Variants in SLIT1 observed in about 807,000 individuals in gnomAD.
SLIT1 encodes the protein slit guidance ligand 1.
A neutral mutation model predicts 186.1 loss-of-function variants in SLIT1; 66 were observed. The observed-to-expected ratio is 0.35, with a 90% confidence interval of 0.29 to 0.44. The LOEUF (loss-of-function observed/expected upper bound fraction) is 0.44. Ranked by LOEUF, SLIT1 falls within the 20% of genes least tolerant of loss-of-function variation. The pLI is 1.00. For synonymous variants in SLIT1, 761 were observed against 833.8 expected, an observed-to-expected ratio of 0.91 and a Z score of 1.50; for missense variants, 1,638 against 2,037.4, an observed-to-expected ratio of 0.80 and a Z score of 3.77.
intron 25 of SLIT1, among the ~76,000 whole-genome samples, chr10:97,026,682 A>T (rs1848549058): frequency 6.6e-6 from 1 of 152,220 alleles, no homozygotes; most frequent in Non-Finnish European, 1.5e-5. Context: ...GAAGACAGAC[A>T]TTGGGGAACC....
At chr10:97,042,050 T>C (rs1259643890) in intron 20 of SLIT1, among the ~76,000 whole-genome samples, 2 of 152,066 alleles carry the variant, frequency 1.3e-5, no homozygotes, top group Admixed American at 1.3e-4. Flanking sequence ...ATTTTAGAAG[T>C]CAGAAGCAAA....
rs1017327905 is a variant in SLIT1 at position 97,001,226 on chromosome 10, G to A, written c.4491C>T (p.Cys1497=). Residue 1497 remains cysteine (C), a synonymous_variant, in exon 37 of 37, where the codon TGC becomes TGT. Transcript: ENST00000266058. The part of the protein sequence containing the change: ...ECRGSCPGQG[C]CQGLRLKRRK... ...TCCGCTTCAGCCGAAGGCCCTGGCA[G>A]CAGCCCTGGCCTGGGCACGAGCCCC... 5.6e-6 allele frequency: 9 copies of A among 1,613,190 alleles called. No individual in the cohort carries two copies. The highest frequency in any genetic ancestry group is 7.6e-6 in the Non-Finnish European group (9 of 1,179,938).
intron 3 of SLIT1, among the ~76,000 whole-genome samples, chr10:97,161,810 T>C (rs1027749565): frequency 6.6e-6 from 1 of 152,218 alleles, no homozygotes; most frequent in African/African-American, 2.4e-5. Flanking sequence ...CAAGTCATCT[T>C]CATTAAGAGC....
intron 4 of SLIT1, among the ~76,000 whole-genome samples, chr10:97,132,682 C>T (rs1849665267): frequency 6.6e-6 from 1 of 151,986 alleles, no homozygotes; most frequent in Admixed American, 6.6e-5. Context: ...ATTGTGTATT[C>T]CCCCACCTTT....
intron 8 of SLIT1, 53 bp downstream of exon 8, chr10:97,063,402 G>A: frequency 6.3e-7 from 1 of 1,596,738 alleles, no homozygotes; most frequent in Non-Finnish European, 8.6e-7. Flanking sequence ...GGGAACAAGA[G>A]GCAGGGCAGG....
chr10:97,157,303 C>T (rs2134719534), intron 4 of SLIT1: 1 of 152,768 alleles, frequency 6.5e-6, no homozygotes, highest in East Asian at 1.9e-4. Context: ...TAGCAACTAT[C>T]CTTCGAACTT....
rs148553177 is a variant in SLIT1, at chr10:97,133,590, C to T, written c.413+24228G>A. On this transcript the variant is annotated intron_variant, in intron 4 of 36. Transcript: ENST00000266058. Reference sequence around the variant, plus strand: ...AATGTTCTGGAGATCGGGTCCACAACGATGCGAACTTAACATTACTGAACA... The same window carrying T: ...AATGTTCTGGAGATCGGGTCCACAATGATGCGAACTTAACATTACTGAACA... 4.8e-3 allele frequency among the ~76,000 whole-genome samples: 730 copies of T among 152,166 alleles called. 25 individuals are homozygous for T. Among genetic ancestry groups the T allele is most frequent in the Admixed American group, 0.044 (670 of 15,290 alleles).
chr10:97,133,863 A>G (rs561192360), intron 4 of SLIT1, among the ~76,000 whole-genome samples: 6 of 152,270 alleles, frequency 3.9e-5, no homozygotes, highest in African/African-American at 1.4e-4. Flanking sequence ...CACCACCCCC[A>G]GGTCCTGTAT....
At chr10:97,084,584 A>C (rs71486104) in intron 4 of SLIT1, among the ~76,000 whole-genome samples, 4,892 of 134,446 alleles carry the variant, frequency 0.036, 122 homozygotes, top group Non-Finnish European at 0.053. Flanking sequence ...CTTTTCTTTT[A>C]TTTTCTTTTC....
At chr10:97,048,518 C>T (rs1564661788) in intron 14 of SLIT1, among the ~76,000 whole-genome samples, 2 of 152,190 alleles carry the variant, frequency 1.3e-5, no homozygotes, top group African/African-American at 4.8e-5. Context: ...GACCTGAGTC[C>T]TCCCTCTGGG....
intron 4 of SLIT1, among the ~76,000 whole-genome samples, chr10:97,136,469 T>C (rs1849704443): frequency 6.6e-6 from 1 of 152,172 alleles, no homozygotes; most frequent in Admixed American, 6.5e-5. Flanking sequence ...GTAAATTGTG[T>C]CATAGTAATC....
chr10:97,091,394 G>A (rs946589448), intron 4 of SLIT1, among the ~76,000 whole-genome samples: 2 of 152,230 alleles, frequency 1.3e-5, no homozygotes, highest in African/African-American at 2.4e-5. Flanking sequence ...CGAACTTGTA[G>A]ATTTTTGTGT....
At chr10:97,124,449 T>C (rs1849586266) in intron 4 of SLIT1, among the ~76,000 whole-genome samples, 1 of 152,202 alleles carries the variant, frequency 6.6e-6, no homozygotes, top group South Asian at 2.1e-4. Context: ...TCATGCCTTA[T>C]CAATAATTCA....
At chr10:97,087,341 T>C (rs1156434795) in intron 4 of SLIT1, among the ~76,000 whole-genome samples, 1 of 152,160 alleles carries the variant, frequency 6.6e-6, no homozygotes, top group East Asian at 1.9e-4. Flanking sequence ...CAGCCCCCTC[T>C]CACCATCCTC....
intron 4 of SLIT1, among the ~76,000 whole-genome samples, chr10:97,141,476 C>T (rs1429081189): frequency 6.6e-6 from 1 of 152,126 alleles, no homozygotes; most frequent in African/African-American, 2.4e-5. Flanking sequence ...TGTTCAGAGA[C>T]CTCCACACAA....
Position 97,047,776 on chromosome 10 carries a change from C to T in SLIT1, c.1548G>A (p.Lys516=), listed in dbSNP as rs1437709657. Residue 516 remains lysine, a synonymous_variant, in exon 16 of 37, where the codon AAG becomes AAA. Coordinates refer to ENST00000266058, the MANE Select transcript of SLIT1 (RefSeq NM_003061.3). The stretch of plus-strand genomic sequence containing the variant: ...CCACCACGTTGGCCTCACAGCGGCA[C>T]TTGTGGGGACAGACCACGTCGCTGT... The part of the protein sequence containing the change: ...ECNSDVVCPH[K]CRCEANVVEC... 1 of 1,614,068 alleles carries T rather than the reference C, an allele frequency of 6.2e-7. No homozygotes were observed. The highest frequency in any genetic ancestry group is 2.2e-5 in the East Asian group (1 of 44,886).
At chr10:97,179,796 A>ACCCAC (rs1411663173) in intron 1 of SLIT1, among the ~76,000 whole-genome samples, 1 of 103,008 alleles carries the variant, frequency 9.7e-6, no homozygotes, top group Non-Finnish European at 2.2e-5. Context: ...AATTCTCCAC[A>ACCCAC]CCCTCCCCGC....
At chr10:97,014,865 CAA>C (rs60054761) in intron 28 of SLIT1, among the ~76,000 whole-genome samples, 32 of 111,586 alleles carry the variant, frequency 2.9e-4, no homozygotes, top group East Asian at 4.7e-4. Context: ...GACTCTGTCT[CAA>C]AAAAAAAAAA....
intron 4 of SLIT1, among the ~76,000 whole-genome samples, chr10:97,113,972 G>A (rs1335335224): frequency 6.6e-6 from 1 of 152,130 alleles, no homozygotes; most frequent in Non-Finnish European, 1.5e-5. Flanking sequence ...GGGTGGGAGT[G>A]AGGCATTGAG....
Sources: gnomAD v4.1 joint callset for allele counts (sites outside exome capture counted in the v4.1 genomes callset) on GRCh38, gnomAD v4.1.1 for gene constraint, MANE v1.5 for transcripts, NCBI Gene and HGNC (gene_info 2026-07-23, HGNC 2026-07-21) for gene names.